TTLL11: variants seen among roughly 807,000 people sequenced by gnomAD.
The protein encoded by TTLL11 is tubulin polyglutamylase TTLL11.
A neutral mutation model predicts 51.7 loss-of-function variants in TTLL11; 42 were observed. That is an observed-to-expected ratio of 0.81 (90% CI 0.64 to 1.05). TTLL11 has a LOEUF of 1.05. TTLL11 is among the 50% of genes least tolerant of loss of function. The pLI is 0.00. For missense variants in TTLL11, 799 were observed against 940.4 expected (o/e 0.85, Z 1.97); for synonymous variants, 381 against 383.5 (o/e 0.99, Z 0.08).
At chr9:121,931,584 TA>T (rs757552624) in intron 6 of TTLL11, among the ~76,000 whole-genome samples, 30 of 130,746 alleles carry the variant, frequency 2.3e-4, no homozygotes, top group African/African-American at 9.1e-4. Flanking sequence ...TTCTACTATT[TA>T]AAAAAAAAAA....
chr9:121,892,769 T>C (rs1839299460), intron 6 of TTLL11, among the ~76,000 whole-genome samples: 1 of 152,198 alleles, frequency 6.6e-6, no homozygotes, highest in Non-Finnish European at 1.5e-5. Context: ...GGAAAATACC[T>C]CTGCCTGCCC....
At position 121,887,309 on chromosome 9, in the gene TTLL11, G is replaced by A. The variant is rs560378544; in HGVS notation, c.1482-16561C>T. On this transcript the variant is annotated intron_variant, in intron 6 of 8. Coordinates refer to ENST00000321582, the MANE Select transcript of TTLL11 (RefSeq NM_001139442.2). Reference sequence around the variant, plus strand: ...AAGCAACACTCATTCTGGCTTGCAGGGAGGCGGTGAGAGTGGGTGGAGGTA... The same window carrying A: ...AAGCAACACTCATTCTGGCTTGCAGAGAGGCGGTGAGAGTGGGTGGAGGTA... Among the ~76,000 whole-genome samples, 153 of 152,306 alleles carry A rather than the reference G, an allele frequency of 1.0e-3. 1 individual carries two copies. Among genetic ancestry groups the A allele is most frequent in the African/African-American group, 3.4e-3 (142 of 41,568 alleles).
chr9:121,920,155 T>A (rs2131523460), intron 6 of TTLL11, among the ~76,000 whole-genome samples: 1 of 152,078 alleles, frequency 6.6e-6, no homozygotes, highest in African/African-American at 2.4e-5. Context: ...TACAAAACAT[T>A]TGCCAGGTGT....
intron 6 of TTLL11, among the ~76,000 whole-genome samples, chr9:121,893,742 T>C (rs1465437334): frequency 1.3e-5 from 2 of 152,200 alleles, no homozygotes; most frequent in Non-Finnish European, 2.9e-5. Context: ...TTATCCCACT[T>C]ACGTCTACTC....
intron 3 of TTLL11, among the ~76,000 whole-genome samples, chr9:122,028,932 G>A (rs1844436144): frequency 6.6e-6 from 1 of 152,180 alleles, no homozygotes; most frequent in Non-Finnish European, 1.5e-5. Flanking sequence ...ATGGGCAGAG[G>A]AGAAATCCCA....
intron 6 of TTLL11, among the ~76,000 whole-genome samples, chr9:121,965,250 G>A (rs1286262772): frequency 6.6e-6 from 1 of 152,156 alleles, no homozygotes; most frequent in East Asian, 1.9e-4. Context: ...AGAACTACTT[G>A]AGACTGGGTA....
chr9:121,905,321 A>C (rs1839905466), intron 6 of TTLL11, among the ~76,000 whole-genome samples: 1 of 152,018 alleles, frequency 6.6e-6, no homozygotes, highest in Non-Finnish European at 1.5e-5. Flanking sequence ...GTCACACTAT[A>C]CATACAATTT....
At chr9:121,836,813 G>A (rs1025415874) in intron 8 of TTLL11, among the ~76,000 whole-genome samples, 1 of 152,218 alleles carries the variant, frequency 6.6e-6, no homozygotes, top group African/African-American at 2.4e-5. Flanking sequence ...TGCCTGTGGT[G>A]CACATGGTGA....
intron 2 of TTLL11, among the ~76,000 whole-genome samples, chr9:122,034,291 A>C (rs1032337508): frequency 2.0e-5 from 3 of 152,256 alleles, no homozygotes; most frequent in African/African-American, 7.2e-5. Context: ...ATCTATGTCC[A>C]GCAAATTCAG....
chr9:121,918,257 G>A (rs905499566), intron 6 of TTLL11, among the ~76,000 whole-genome samples: 1 of 152,222 alleles, frequency 6.6e-6, no homozygotes, highest in Non-Finnish European at 1.5e-5. Flanking sequence ...ACTCTGTGAG[G>A]CCTAACGGAG....
chr9:121,879,248 G>A (rs1386061581), intron 6 of TTLL11, among the ~76,000 whole-genome samples: 2 of 152,120 alleles, frequency 1.3e-5, no homozygotes, highest in South Asian at 2.1e-4. Flanking sequence ...AGGACCTCAG[G>A]AGAATATGGG....
In TTLL11 at chr9:121,951,006, C is replaced by T. The variant is rs552812549; in HGVS notation, c.1481+23003G>A. On this transcript the variant is annotated intron_variant, in intron 6 of 8. Transcript: ENST00000321582. ...CAGAGTGAAGCCACAGCCCCCTGCT[C>T]CATCTTCTTTCTGGGCACACTCACT... Among the ~76,000 whole-genome samples the T allele has an allele frequency of 3.9e-5, 6 of 152,284 alleles. No homozygotes were observed. In the South Asian group the frequency reaches 6.2e-4, roughly 16 times the overall value.
rs1226221957 is a variant in TTLL11 at position 121,899,365 on chromosome 9, G to GTGTATATATATACATA, written c.1482-28618_1482-28617insTATGTATATATATACA. Among the ~76,000 whole-genome samples the GTGTATATATATACATA allele has an allele frequency of 3.4e-3, 385 of 112,812 alleles. 2 individuals carry two copies. Among genetic ancestry groups the GTGTATATATATACATA allele is most frequent in the Admixed American group, 0.016 (149 of 9,592 alleles). 74.0% of individuals were successfully genotyped at this position (112,812 alleles called of 152,430 possible). On this transcript the variant is annotated intron_variant, in intron 6 of 8. Transcript: ENST00000321582. ...TCTGTGTGTGTGTGTATGTGTGTGT[G>GTGTATATATATACATA]TATATATATATACATATATATATAT...
intron 6 of TTLL11, among the ~76,000 whole-genome samples, chr9:121,941,383 T>C (rs957235043): frequency 6.6e-6 from 1 of 152,188 alleles, no homozygotes; most frequent in South Asian, 2.1e-4. Flanking sequence ...GGCTGATGGC[T>C]ATGAAATCAG....
chr9:121,858,078 A>G (rs1197478838), intron 8 of TTLL11, among the ~76,000 whole-genome samples: 1 of 152,196 alleles, frequency 6.6e-6, no homozygotes, highest in Non-Finnish European at 1.5e-5. Context: ...GAGCACTCTC[A>G]GTCCTCGAAA....
chr9:121,891,270 T>C (rs1176516999), intron 6 of TTLL11, among the ~76,000 whole-genome samples: 1 of 152,140 alleles, frequency 6.6e-6, no homozygotes, highest in Non-Finnish European at 1.5e-5. Context: ...CGAGCAACCT[T>C]GAGAGTCTCC....
In TTLL11 at chr9:121,890,018, A is replaced by T. The variant is rs1464364651; in HGVS notation, c.1482-19270T>A. Among the ~76,000 whole-genome samples, 3 of 152,300 alleles carry T rather than the reference A, an allele frequency of 2.0e-5. No homozygotes were observed. The East Asian group carries it at 5.8e-4, about 29-fold the overall frequency. On this transcript the variant is annotated intron_variant, in intron 6 of 8. Transcript: ENST00000321582. This position sits in a 1 kb window ranked among gnomAD's most constrained non-coding sequence, Gnocchi z 4.3. ...CCTAAGGGTTCATCTATGCTGTAGC[A>T]TGTTTCAGAATATCCTTCCTTTTAA... is the stretch of plus-strand genomic sequence containing the variant.
intron 6 of TTLL11, among the ~76,000 whole-genome samples, chr9:121,918,448 G>A (rs1840416274): frequency 6.6e-6 from 1 of 152,148 alleles, no homozygotes; most frequent in South Asian, 2.1e-4. Context: ...CATTCCCATA[G>A]GAGATGTGTA....
At chr9:121,838,753 A>C (rs942482574) in intron 8 of TTLL11, among the ~76,000 whole-genome samples, 207 of 109,858 alleles carry the variant, frequency 1.9e-3, no homozygotes, top group Non-Finnish European at 3.5e-3. Context: ...AGAGAGAAAG[A>C]AAGAGAGAAA....
Sources: allele counts gnomAD v4.1 joint callset (sites outside exome capture counted in the v4.1 genomes callset), GRCh38; gene constraint gnomAD v4.1.1; non-coding constraint Gnocchi (gnomAD v3.1); transcripts MANE v1.5; gene names NCBI Gene and HGNC (gene_info 2026-07-23, HGNC 2026-07-21).